The following TBX5 variants were observed in gnomAD, a reference collection of about 807,000 sequenced individuals.
TBX5 encodes T-box transcription factor TBX5.
In TBX5, 8 loss-of-function variants were observed where a neutral mutation model predicts 51.1. That is an observed-to-expected ratio of 0.16 (90% confidence interval 0.09 to 0.28). The LOEUF (loss-of-function observed/expected upper bound fraction) is 0.28, where lower values mean the gene tolerates loss of function less well. Among genes scored for constraint, TBX5 ranks in the 10% least tolerant of loss-of-function variants. The probability of loss-of-function intolerance (pLI) is 1.00; values close to 1 mark genes in which losing one functional copy is unlikely to be tolerated. For synonymous variants in TBX5, 302 were observed against 266.4 expected (o/e 1.13, Z -1.30); for missense variants, 589 against 671.7 (o/e 0.88, Z 1.36).
intron 7 of TBX5, among the ~76,000 whole-genome samples, chr12:114,370,287 AGAAAG>A (rs751171599): frequency 0.14 from 5,811 of 40,486 alleles, 506 homozygotes; most frequent in African/African-American, 0.2. Context: ...AGAAAAGAAA[AGAAAG>A]AAAAGAAAAG....
In TBX5 at chr12:114,405,876, C is replaced by A. The variant is rs753164916; in HGVS notation, c.-287G>T. ...CCCTAAATACTTCCCAGTTGGCAAG[C>A]GCCAAAGAACACAAAATAGCCTCCA... On this transcript the variant is annotated 5_prime_UTR_variant, in exon 1 of 9. Transcript: ENST00000405440. 11 of 985,356 alleles carry A rather than the reference C, an allele frequency of 1.1e-5. No homozygotes were observed. Among genetic ancestry groups the A allele is most frequent in the Non-Finnish European group, 1.3e-5 (11 of 830,002 alleles). The allele number at this position is 985,356 out of a possible 1,614,324, so 61.0% of individuals were successfully genotyped here.
chr12:114,408,187 C>A, upstream of TBX5: 1 of 985,392 alleles, frequency 1.0e-6, no homozygotes, highest in Non-Finnish European at 1.2e-6. Context: ...CCGTCTTCGC[C>A]TATCAGTGCC....
intron 7 of TBX5, among the ~76,000 whole-genome samples, chr12:114,368,126 T>A (rs1159618742): frequency 2.6e-5 from 4 of 152,244 alleles, no homozygotes; most frequent in Non-Finnish European, 5.9e-5. Flanking sequence ...TAAGCTTCAC[T>A]ATAAGTGATC....
intron 7 of TBX5, among the ~76,000 whole-genome samples, chr12:114,370,503 T>C (rs1281769679): frequency 6.6e-6 from 1 of 152,110 alleles, no homozygotes; most frequent in Admixed American, 6.6e-5. Flanking sequence ...AAATGTATTT[T>C]CTCATAGTTC....
intron 8 of TBX5, among the ~76,000 whole-genome samples, chr12:114,364,944 A>G (rs1869431047): frequency 6.6e-6 from 1 of 152,100 alleles, no homozygotes; most frequent in South Asian, 2.1e-4. Context: ...ACACCAAGCA[A>G]TGGTTCTATC....
intron 8 of TBX5, 80 bp downstream of exon 8, chr12:114,366,085 C>T: frequency 1.5e-6 from 2 of 1,365,724 alleles, no homozygotes; most frequent in Non-Finnish European, 1.0e-6. Context: ...TAAATGAATA[C>T]TCCTCACCCC....
chr12:114,369,621 G>A (rs761463935), intron 7 of TBX5, among the ~76,000 whole-genome samples: 30 of 152,138 alleles, frequency 2.0e-4, no homozygotes, highest in Non-Finnish European at 3.4e-4. Context: ...TCAAAGGAAC[G>A]GTCAACCAAA....
rs147077037 is a variant in TBX5 at position 114,366,299 on chromosome 12, G to T, written c.848C>A (p.Thr283Asn). ...PFSSESRALSTSSNLGSQYQC... is the reference protein window; with the variant it reads ...PFSSESRALSNSSNLGSQYQC... ...GTATTGGGACCCCAAATTGGATGAG[G>T]TGGAGAGAGCTCGAGACTCGCTGCT... Residue 283 changes from threonine (T) to asparagine (N), a missense_variant, in exon 8 of 9, where the codon ACC becomes AAC. By Grantham distance (65) the Thr-to-Asn change is moderately conservative. Coordinates refer to ENST00000405440, the MANE Select transcript of TBX5 (RefSeq NM_181486.4). 6.8e-5 allele frequency: 109 copies of T among 1,614,012 alleles called. No homozygotes were observed. The highest frequency in any genetic ancestry group is 1.6e-4 in the Middle Eastern group (1 of 6,084).
chr12:114,401,813 C>A lies in TBX5; in HGVS notation c.242+13G>T, dbSNP rs1325998937. ...TCTCCTCGTCCCTCTCTCTACACAA[C>A]AAACCATCTCACCTTCCAGCCTTGG... On this transcript the variant is annotated intron_variant, in intron 3 of 8. Transcript: ENST00000405440. The A allele has an allele frequency of 6.2e-7, 1 of 1,613,742 alleles. No homozygotes were observed. The highest frequency in any genetic ancestry group is 8.5e-7 in the Non-Finnish European group (1 of 1,179,668).
chr12:114,382,397 G>A (rs1870552031), intron 7 of TBX5, among the ~76,000 whole-genome samples: 1 of 152,204 alleles, frequency 6.6e-6, no homozygotes, highest in Non-Finnish European at 1.5e-5. Context: ...GGGGCTGTGG[G>A]TAATGTCTGT....
intron 6 of TBX5, among the ~76,000 whole-genome samples, chr12:114,385,962 G>A (rs10850336): frequency 0.055 from 8,399 of 151,928 alleles, 710 homozygotes; most frequent in East Asian, 0.45. Context: ...ATCAGGCAGC[G>A]TAGTCATCTC....
chr12:114,383,280 G>T (rs925637543), intron 7 of TBX5, among the ~76,000 whole-genome samples: 1 of 152,184 alleles, frequency 6.6e-6, no homozygotes, highest in Non-Finnish European at 1.5e-5. Context: ...ACTCAGTGAT[G>T]GTTGGGAGAT....
intron 7 of TBX5, among the ~76,000 whole-genome samples, chr12:114,368,529 C>T (rs1869682867): frequency 6.6e-6 from 1 of 152,132 alleles, no homozygotes; most frequent in Non-Finnish European, 1.5e-5. Flanking sequence ...GAAGTTGAGG[C>T]CCAGGGAGAT....
intron 6 of TBX5, among the ~76,000 whole-genome samples, chr12:114,393,036 C>G (rs1871244939): frequency 6.6e-6 from 1 of 152,206 alleles, no homozygotes; most frequent in African/African-American, 2.4e-5. Context: ...ACAGCTTGGC[C>G]TGTTCACAGA....
At chr12:114,362,156 A>G (rs1322529869) in intron 8 of TBX5, among the ~76,000 whole-genome samples, 2 of 152,000 alleles carry the variant, frequency 1.3e-5, no homozygotes, top group Non-Finnish European at 2.9e-5. Context: ...CGGAGCCACC[A>G]TCTCCTGTTT....
intron 7 of TBX5, among the ~76,000 whole-genome samples, chr12:114,381,210 T>C (rs1036128856): frequency 6.6e-6 from 1 of 152,230 alleles, no homozygotes; most frequent in East Asian, 1.9e-4. Context: ...TTCTGTGGAA[T>C]AAGTGCAAGG....
At chr12:114,387,752 C>A (rs530325780) in intron 6 of TBX5, among the ~76,000 whole-genome samples, 2 of 152,102 alleles carry the variant, frequency 1.3e-5, no homozygotes, top group South Asian at 4.1e-4. Flanking sequence ...GGTGGCTGTG[C>A]ATGTGGTGGG....
intron 5 of TBX5, among the ~76,000 whole-genome samples, chr12:114,395,418 C>A (rs1871363431): frequency 6.6e-6 from 1 of 152,174 alleles, no homozygotes; most frequent in Non-Finnish European, 1.5e-5. Flanking sequence ...GTTCTCTGCA[C>A]AGCCTTTTTC....
At chr12:114,376,438 T>C (rs1268900553) in intron 7 of TBX5, among the ~76,000 whole-genome samples, 1 of 152,062 alleles carries the variant, frequency 6.6e-6, no homozygotes, top group Non-Finnish European at 1.5e-5. Context: ...TAATCTAAAA[T>C]AGTCAAACCT....
Sources: allele counts gnomAD v4.1 joint callset (sites outside exome capture counted in the v4.1 genomes callset), GRCh38; gene constraint gnomAD v4.1.1; transcripts MANE v1.5; gene names NCBI Gene and HGNC (gene_info 2026-07-23, HGNC 2026-07-21).